The following PPP1R3C variants were observed in gnomAD, a reference collection of about 807,000 sequenced individuals.
PPP1R3C encodes PP1 subunit R5.
In PPP1R3C, 20 loss-of-function variants were observed where a neutral mutation model predicts 29.3. The ratio of observed to expected loss-of-function variants is 0.68; its 90% CI spans 0.48 to 0.99. PPP1R3C has a LOEUF of 0.99. PPP1R3C is among the 50% of genes least tolerant of loss of function. The probability of loss-of-function intolerance (pLI) is 0.00; values close to 1 mark genes in which losing one functional copy is unlikely to be tolerated. For missense variants in PPP1R3C, 321 were observed against 386.0 expected (o/e 0.83, Z 1.41); for synonymous variants, 123 against 143.1 (o/e 0.86, Z 1.00).
chr10:91,629,759 AC>A lies in PPP1R3C; in HGVS notation c.*167del. 1.3e-6 allele frequency: 1 copy of A among 748,922 alleles called. No individual in the cohort carries two copies. The highest frequency in any genetic ancestry group is 2.2e-6 in the Non-Finnish European group (1 of 444,922). 46.4% of individuals were successfully genotyped at this position (748,922 alleles called of 1,614,324 possible). The stretch of plus-strand genomic sequence containing the variant: ...AAATTGGGTAGCATCATCTGTACAG[AC>A]CCCAACACTAAATTCTCAAGTGTCT... On this transcript the variant is annotated 3_prime_UTR_variant, in exon 2 of 2. Transcript: ENST00000238994.
rs765712830 is a variant in PPP1R3C at position 91,630,892 on chromosome 10, A to C, written c.15-26T>G. ...CTGGAATGCAAAAAGAAGAGGGATT[A>C]TCACCTGGATCGGAAATGCTCTTCC... On this transcript the variant is annotated intron_variant, in intron 1 of 1. Coordinates refer to ENST00000238994, the MANE Select transcript of PPP1R3C (RefSeq NM_005398.7). The surrounding 1 kb of genome is among the most constrained non-coding windows in gnomAD (Gnocchi z 4.4). The C allele has an allele frequency of 6.3e-7, 1 of 1,585,254 alleles. No homozygotes were observed. Among genetic ancestry groups the C allele is most frequent in the East Asian group, 2.2e-5 (1 of 44,778 alleles).
chr10:91,630,828 G>A lies in PPP1R3C; in HGVS notation c.53C>T (p.Ser18Leu), dbSNP rs780294568. ...CATGGCCACATCCACGGGCATGACCGAACTTGTCAAAGGACGTGGATCTAA... is the reference window on the plus strand; with the variant it reads ...CATGGCCACATCCACGGGCATGACCAAACTTGTCAAAGGACGTGGATCTAA... ...QVLDPRPLTSSVMPVDVAMRL... is the reference protein window; with the variant it reads ...QVLDPRPLTSLVMPVDVAMRL... The change falls in exon 2 of 2, where the codon TCG becomes TTG. Residue 18 changes from serine (S) to leucine (L), a missense_variant. By Grantham distance (145) the Ser-to-Leu change is moderately radical. Transcript: ENST00000238994. The surrounding 1 kb of genome is among the most constrained non-coding windows in gnomAD (Gnocchi z 4.4). The A allele has an allele frequency of 3.0e-5, 48 of 1,613,566 alleles. No individual in the cohort carries two copies. The highest frequency in any genetic ancestry group is 2.5e-4 in the Admixed American group (15 of 60,014).
Position 91,633,018 on chromosome 10 carries a change from A to T in PPP1R3C, c.-49T>A. On this transcript the variant is annotated 5_prime_UTR_variant, in exon 1 of 2. Transcript: ENST00000238994. Reference sequence around the variant, plus strand: ...AAAAGCCAGCACCCGCTGCCTGCACAAATTCGAACCACAGCTCCAGGCCTT... The same window carrying T: ...AAAAGCCAGCACCCGCTGCCTGCACTAATTCGAACCACAGCTCCAGGCCTT... The T allele has an allele frequency of 6.2e-7, 1 of 1,602,908 alleles. No individual in the cohort carries two copies. Among genetic ancestry groups the T allele is most frequent in the Non-Finnish European group, 8.5e-7 (1 of 1,174,692 alleles).
chr10:91,630,152 T>G lies in PPP1R3C; in HGVS notation c.729A>C (p.Gln243His). ...GACCATCATTGTTGTCCCAAAAGAC[T>G]TGCCCATTAGCATGGTAAGAAATGC... The part of the protein sequence containing the change: ...EFCISYHANG[Q>H]VFWDNNDGQN... The change falls in exon 2 of 2, where the codon CAA (glutamine) becomes CAC (histidine). Residue 243 changes from glutamine (Q) to histidine (H), a missense_variant. By Grantham distance (24) the Gln-to-His change is conservative. Coordinates refer to ENST00000238994, the MANE Select transcript of PPP1R3C (RefSeq NM_005398.7). The surrounding 1 kb of genome is among the most constrained non-coding windows in gnomAD (Gnocchi z 4.4). 1.2e-6 allele frequency: 2 copies of G among 1,614,208 alleles called. No homozygotes were observed. The highest frequency in any genetic ancestry group is 2.2e-5 in the East Asian group (1 of 44,884).
Position 91,630,429 on chromosome 10 carries a change from T to A in PPP1R3C, c.452A>T (p.His151Leu). The change falls in exon 2 of 2, where the codon CAC becomes CTC. Residue 151 changes from histidine to leucine, a missense_variant. By Grantham distance (99) the His-to-Leu change is moderately conservative. Transcript: ENST00000238994. The surrounding 1 kb of genome is among the most constrained non-coding windows in gnomAD (Gnocchi z 4.4). ...PSTDYLSFRS[H>L]FQKNFVCLEN... is the part of the protein sequence containing the mutation. ...CAGACAGACAAAGTTCTTCTGAAAG[T>A]GGCTCCGGAAACTTAAGTAATCGGT... 1 of 1,614,222 alleles carries A rather than the reference T, an allele frequency of 6.2e-7. No individual in the cohort carries two copies. Among genetic ancestry groups the A allele is most frequent in the Admixed American group, 1.7e-5 (1 of 60,020 alleles).
At position 91,630,955 on chromosome 10, in the gene PPP1R3C, T is replaced by C; in HGVS notation, c.15-89A>G. On this transcript the variant is annotated intron_variant, in intron 1 of 1. Coordinates refer to ENST00000238994, the MANE Select transcript of PPP1R3C (RefSeq NM_005398.7). This position sits in a 1 kb window ranked among gnomAD's most constrained non-coding sequence, Gnocchi z 4.4. ...ACATATGTACTATTTTTGTGCTGACTGAATTATAGCCAGTGCACTAGATAT... is the reference window on the plus strand; with the variant it reads ...ACATATGTACTATTTTTGTGCTGACCGAATTATAGCCAGTGCACTAGATAT... 1.7e-6 allele frequency: 2 copies of C among 1,162,036 alleles called. No individual in the cohort carries two copies. Among genetic ancestry groups the C allele is most frequent in the South Asian group, 1.3e-5 (1 of 79,550 alleles). The allele number at this position is 1,162,036 out of a possible 1,614,324, so 72.0% of individuals were successfully genotyped here.
At chr10:91,631,967 A>G (rs1232184915) in intron 1 of PPP1R3C, among the ~76,000 whole-genome samples, 2 of 152,222 alleles carry the variant, frequency 1.3e-5, no homozygotes. Flanking sequence ...AAACATGACT[A>G]TGCTCAGCAA....
Position 91,630,673 on chromosome 10 carries a change from AT to A in PPP1R3C, c.207del (p.Lys69AsnfsTer58). The A allele has an allele frequency of 6.2e-7, 1 of 1,612,842 alleles. No homozygotes were observed. Among genetic ancestry groups the A allele is most frequent in the Non-Finnish European group, 8.5e-7 (1 of 1,178,974 alleles). On this transcript the variant is annotated frameshift_variant, in exon 2 of 2. Transcript: ENST00000238994. LOFTEE classifies it high-confidence loss of function. This position sits in a 1 kb window ranked among gnomAD's most constrained non-coding sequence, Gnocchi z 4.4. ...KSCLNIKHKA[K>X]SQNDWKCSHN... ...TGTGAGCACTTCCAGTCATTCTGTG[AT>A]TTGGCTTTGTGTTTTATATTGAGAC...
Position 91,629,758 on chromosome 10 carries a change from G to C in PPP1R3C, c.*169C>G, listed in dbSNP as rs1013232976. 10 of 746,590 alleles carry C rather than the reference G, an allele frequency of 1.3e-5. No homozygotes were observed. Among genetic ancestry groups the C allele is most frequent in the Middle Eastern group, 7.3e-4 (2 of 2,756 alleles). 46.2% of individuals were successfully genotyped at this position (746,590 alleles called of 1,614,324 possible). On this transcript the variant is annotated 3_prime_UTR_variant, in exon 2 of 2. Transcript: ENST00000238994. ...CAAATTGGGTAGCATCATCTGTACA[G>C]ACCCCAACACTAAATTCTCAAGTGT...
intron 1 of PPP1R3C, among the ~76,000 whole-genome samples, chr10:91,632,137 T>A (rs1848723827): frequency 6.6e-6 from 1 of 152,232 alleles, no homozygotes; most frequent in Non-Finnish European, 1.5e-5. Context: ...CTGGCTTTAG[T>A]AACTCTCCTC....
Position 91,633,064 on chromosome 10 carries a change from G to T in PPP1R3C, c.-95C>A, listed in dbSNP as rs1848734651. The T allele has an allele frequency of 6.6e-7, 1 of 1,525,346 alleles. No homozygotes were observed. Among genetic ancestry groups the T allele is most frequent in the Non-Finnish European group, 8.9e-7 (1 of 1,120,778 alleles). The allele number at this position is 1,525,346 out of a possible 1,614,324, so 94.5% of individuals were successfully genotyped here. A position where few individuals can be genotyped will look rare whatever the true frequency, so the allele number is the denominator to read the frequency against. ...GCCTTGCCCCCGCGGCGGTCGCTGG[G>T]AGAGACTGAGGGCCCGGCGCCTAGA... On this transcript the variant is annotated 5_prime_UTR_variant, in exon 1 of 2. Coordinates refer to ENST00000238994, the MANE Select transcript of PPP1R3C (RefSeq NM_005398.7).
Position 91,629,874 on chromosome 10 carries a change from A to T in PPP1R3C, c.*53T>A. 6 of 1,583,550 alleles carry T rather than the reference A, an allele frequency of 3.8e-6. No homozygotes were observed. In the South Asian group the frequency reaches 6.6e-5, roughly 18 times the overall value. Reference sequence around the variant, plus strand: ...TCCTAAAATTGAGCAATACAGACCTAGGATTGCATGGGGGAATATGACAAG... The same window carrying T: ...TCCTAAAATTGAGCAATACAGACCTTGGATTGCATGGGGGAATATGACAAG... On this transcript the variant is annotated 3_prime_UTR_variant, in exon 2 of 2. Coordinates refer to ENST00000238994, the MANE Select transcript of PPP1R3C (RefSeq NM_005398.7).
chr10:91,630,488 C>A lies in PPP1R3C; in HGVS notation c.393G>T (p.Glu131Asp). 6.2e-7 allele frequency: 1 copy of A among 1,614,212 alleles called. No homozygotes were observed. Among genetic ancestry groups the A allele is most frequent in the South Asian group, 1.1e-5 (1 of 91,082 alleles). ...GAGGGAAATCTAAAATCAAGTTTTTCTCCTCGTGGTGTTTTAAGGCAGAGG... is the reference window on the plus strand; with the variant it reads ...GAGGGAAATCTAAAATCAAGTTTTTATCCTCGTGGTGTTTTAAGGCAGAGG... ...DISSALKHHE[E>D]KNLILDFPQP... The change falls in exon 2 of 2, where the codon GAG becomes GAT. Residue 131 changes from glutamate (E) to aspartate (D), a missense_variant. By Grantham distance (45) the Glu-to-Asp change is conservative. Transcript: ENST00000238994. This position sits in a 1 kb window ranked among gnomAD's most constrained non-coding sequence, Gnocchi z 4.4.
In PPP1R3C at chr10:91,630,691, T is replaced by C; in HGVS notation, c.190A>G (p.Ile64Val). Reference protein sequence around the residue: ...KLKPLKSCLNIKHKAKSQNDW... With the variant: ...KLKPLKSCLNVKHKAKSQNDW... ...TTCTGTGATTTGGCTTTGTGTTTTA[T>C]ATTGAGACATGATTTCAGGGGCTTT... Residue 64 changes from isoleucine (I) to valine (V), a missense_variant, in exon 2 of 2, where the codon ATA becomes GTA. Ile to Val is a conservative substitution (Grantham distance 29). Transcript: ENST00000238994. The surrounding 1 kb of genome is among the most constrained non-coding windows in gnomAD (Gnocchi z 4.4). 5 of 1,614,014 alleles carry C rather than the reference T, an allele frequency of 3.1e-6. No individual in the cohort carries two copies. Among genetic ancestry groups the C allele is most frequent in the Middle Eastern group, 1.6e-4 (1 of 6,062 alleles).
In PPP1R3C at chr10:91,630,592, C is replaced by T; in HGVS notation, c.289G>A (p.Ala97Thr). 2 of 1,613,302 alleles carry T rather than the reference C, an allele frequency of 1.2e-6. No individual in the cohort carries two copies. The highest frequency in any genetic ancestry group is 1.7e-6 in the Non-Finnish European group (2 of 1,179,382). Reference sequence around the variant, plus strand: ...GGGAGGTCGGAGAAGACATGGATCGCAGTGAGAGAGAGGCCCTTGGAGTCA... The same window carrying T: ...GGGAGGTCGGAGAAGACATGGATCGTAGTGAGAGAGAGGCCCTTGGAGTCA... ...FADSKGLSLTAIHVFSDLPEE... is the reference protein window; with the variant it reads ...FADSKGLSLTTIHVFSDLPEE... The change falls in exon 2 of 2, where the codon GCG becomes ACG. Residue 97 changes from alanine to threonine, a missense_variant. Coordinates refer to ENST00000238994, the MANE Select transcript of PPP1R3C (RefSeq NM_005398.7). This position sits in a 1 kb window ranked among gnomAD's most constrained non-coding sequence, Gnocchi z 4.4.
At chr10:91,632,919 C>G in intron 1 of PPP1R3C, 37 bp downstream of exon 1, 1 of 1,606,360 alleles carries the variant, frequency 6.2e-7, no homozygotes, top group Non-Finnish European at 8.5e-7. Flanking sequence ...TGCGCGTTCC[C>G]CTGTGTTCCT....
Position 91,630,739 on chromosome 10 carries a change from G to T in PPP1R3C, c.142C>A (p.Arg48=). 1 of 1,614,148 alleles carries T rather than the reference G, an allele frequency of 6.2e-7. No homozygotes were observed. The highest frequency in any genetic ancestry group is 8.5e-7 in the Non-Finnish European group (1 of 1,180,022). Residue 48 remains arginine, a synonymous_variant, in exon 2 of 2, where the codon CGA becomes AGA. Coordinates refer to ENST00000238994, the MANE Select transcript of PPP1R3C (RefSeq NM_005398.7). The surrounding 1 kb of genome is among the most constrained non-coding windows in gnomAD (Gnocchi z 4.4). ...SFLGPYDEFQ[R]RHFVNKLKPL... is the part of the protein sequence containing the mutation. ...TTTAATTTATTCACAAAATGTCGTC[G>T]TTGAAATTCATCGTACGGGCCCAGG...
At position 91,629,896 on chromosome 10, in the gene PPP1R3C, C is replaced by T; in HGVS notation, c.*31G>A. 1 of 1,609,850 alleles carries T rather than the reference C, an allele frequency of 6.2e-7. No individual in the cohort carries two copies. The highest frequency in any genetic ancestry group is 8.5e-7 in the Non-Finnish European group (1 of 1,176,808). The stretch of plus-strand genomic sequence containing the variant: ...CCTAGGATTGCATGGGGGAATATGA[C>T]AAGTCAAGACCAGTTACATTGTTGC... On this transcript the variant is annotated 3_prime_UTR_variant, in exon 2 of 2. Coordinates refer to ENST00000238994, the MANE Select transcript of PPP1R3C (RefSeq NM_005398.7).
At position 91,629,022 on chromosome 10, in the gene PPP1R3C, C is replaced by A. The variant is rs753193212; in HGVS notation, c.*905G>T. 2.6e-5 allele frequency: 4 copies of A among 152,170 alleles called. No homozygotes were observed. Among genetic ancestry groups the A allele is most frequent in the Non-Finnish European group, 5.9e-5 (4 of 68,044 alleles). 9.4% of individuals were successfully genotyped at this position (152,170 alleles called of 1,614,324 possible). A position where few individuals can be genotyped will look rare whatever the true frequency, so the allele number is the denominator to read the frequency against. ...TGGACCATCTTATGAGGCCAAAAAC[C>A]CATGAGTTACCAGATGACCATTCAG... On this transcript the variant is annotated 3_prime_UTR_variant, in exon 2 of 2. Coordinates refer to ENST00000238994, the MANE Select transcript of PPP1R3C (RefSeq NM_005398.7).
Sources: gnomAD v4.1 joint callset for allele counts (sites outside exome capture counted in the v4.1 genomes callset) on GRCh38, gnomAD v4.1.1 for gene constraint, Gnocchi (gnomAD v3.1) non-coding constraint, MANE v1.5 for transcripts, NCBI Gene and HGNC (gene_info 2026-07-23, HGNC 2026-07-21) for gene names.